RORA: variants seen among roughly 807,000 people sequenced by gnomAD.
The protein encoded by RORA is RAR related orphan receptor A, also known as nuclear receptor ROR-alpha.
In RORA, 7 loss-of-function variants were observed where a neutral mutation model predicts 69.5. The observed-to-expected ratio is 0.10, with a 90% CI of 0.06 to 0.19. RORA has a LOEUF of 0.19. RORA is among the 10% of genes least tolerant of loss of function. RORA has a pLI of 1.00. For missense variants in RORA, 457 were observed against 663.0 expected (o/e 0.69, Z 3.41); for synonymous variants, 261 against 240.8 (o/e 1.08, Z -0.78).
At position 60,908,876 on chromosome 15, in the gene RORA, C is replaced by A. The variant is rs141527467; in HGVS notation, c.167-230190G>T. Among the ~76,000 whole-genome samples the A allele has an allele frequency of 1.8e-3, 274 of 151,442 alleles. 1 individual carries two copies. The highest frequency in any genetic ancestry group is 0.016 in the South Asian group (76 of 4,798). ...CTTTTACTTTATTTTTATTTCATTT[C>A]ATTTTTTTTTTTTATTAAAGAGAGT... is the stretch of plus-strand genomic sequence containing the variant. On this transcript the variant is annotated intron_variant, in intron 1 of 10. Coordinates refer to ENST00000335670, the MANE Select transcript of RORA (RefSeq NM_134261.3).
intron 1 of RORA, among the ~76,000 whole-genome samples, chr15:60,954,224 T>C (rs1344456065): frequency 3.6e-4 from 49 of 136,886 alleles, no homozygotes; most frequent in South Asian, 2.8e-3. Flanking sequence ...TTCTCACTCA[T>C]AGGTGGGAAT....
At chr15:60,726,679 G>A (rs371256460) in intron 1 of RORA, among the ~76,000 whole-genome samples, 254 of 152,322 alleles carry the variant, frequency 1.7e-3, no homozygotes, top group Middle Eastern at 6.8e-3. Flanking sequence ...CTGCAGACGC[G>A]CCACTGTGTC....
At chr15:60,948,161 G>A (rs1313786879) in intron 1 of RORA, among the ~76,000 whole-genome samples, 4 of 152,034 alleles carry the variant, frequency 2.6e-5, no homozygotes, top group Non-Finnish European at 5.9e-5. Context: ...TTTGGGAAAG[G>A]GAGCATTTAA....
At chr15:60,824,246 A>G (rs1310214233) in intron 1 of RORA, among the ~76,000 whole-genome samples, 1 of 152,238 alleles carries the variant, frequency 6.6e-6, no homozygotes, top group East Asian at 1.9e-4. Flanking sequence ...TGATTCAACC[A>G]GGCTCTTGGA....
At chr15:61,014,841 A>AG (rs1312984585) in intron 1 of RORA, among the ~76,000 whole-genome samples, 20 of 152,222 alleles carry the variant, frequency 1.3e-4, no homozygotes, top group Admixed American at 3.9e-4. Flanking sequence ...AACAAGGAAT[A>AG]GGGAACCTGC....
intron 9 of RORA, 61 bp from the exon 10 acceptor site, chr15:60,500,065 C>T: frequency 2.9e-6 from 3 of 1,032,726 alleles, no homozygotes; most frequent in Non-Finnish European, 4.4e-6. Flanking sequence ...GATCCTTCTT[C>T]TCCGGATTCT....
At chr15:60,785,101 T>C (rs1325099900) in intron 1 of RORA, among the ~76,000 whole-genome samples, 1 of 152,242 alleles carries the variant, frequency 6.6e-6, no homozygotes, top group Non-Finnish European at 1.5e-5. Context: ...ACGATTATTG[T>C]GTTTGACAAG....
Position 60,951,663 on chromosome 15 carries a change from T to A in RORA, c.167-272977A>T, listed in dbSNP as rs553509579. On this transcript the variant is annotated intron_variant, in intron 1 of 10. Coordinates refer to ENST00000335670, the MANE Select transcript of RORA (RefSeq NM_134261.3). Reference sequence around the variant, plus strand: ...ACCATCAGAGAATACTACAAACACCTCTACGCAAATAAACTAGAAAATCTA... The same window carrying A: ...ACCATCAGAGAATACTACAAACACCACTACGCAAATAAACTAGAAAATCTA... Among the ~76,000 whole-genome samples the A allele has an allele frequency of 1.8e-3, 275 of 151,916 alleles. 2 individuals are homozygous for A. The highest frequency in any genetic ancestry group is 5.6e-3 in the African/African-American group (233 of 41,424).
chr15:61,007,761 T>A (rs1238635670), intron 1 of RORA, among the ~76,000 whole-genome samples: 1 of 147,894 alleles, frequency 6.8e-6, no homozygotes, highest in Non-Finnish European at 1.5e-5. Flanking sequence ...TGTTATATAT[T>A]ATATATAACA....
intron 2 of RORA, among the ~76,000 whole-genome samples, chr15:60,622,947 C>T (rs947450564): frequency 3.9e-5 from 6 of 152,134 alleles, no homozygotes; most frequent in African/African-American, 1.4e-4. Context: ...AACTCCTGAC[C>T]TCAGGTGATC....
chr15:60,742,524 G>T (rs558325273), intron 1 of RORA, among the ~76,000 whole-genome samples: 8 of 152,304 alleles, frequency 5.3e-5, no homozygotes, highest in African/African-American at 1.7e-4. Flanking sequence ...ATGGCAATTT[G>T]TAAGTATTTA....
chr15:60,979,186 C>G (rs4497622), intron 1 of RORA, among the ~76,000 whole-genome samples: 110,860 of 150,096 alleles, frequency 0.74, 41,201 homozygotes, highest in East Asian at 0.83. Context: ...GGATGGTCTT[C>G]ATCTCCTGAC....
intron 2 of RORA, among the ~76,000 whole-genome samples, chr15:60,660,241 G>A (rs974065): frequency 0.58 from 88,448 of 151,992 alleles, 27,052 homozygotes; most frequent in South Asian, 0.79. Context: ...CAGCTTCATC[G>A]CAATATTATT....
intron 1 of RORA, among the ~76,000 whole-genome samples, chr15:60,718,977 G>C (rs990835358): frequency 2.0e-5 from 3 of 152,072 alleles, no homozygotes; most frequent in Non-Finnish European, 4.4e-5. Context: ...AGAGGTCAGA[G>C]TTCAAGGACT....
intron 1 of RORA, among the ~76,000 whole-genome samples, chr15:60,919,657 T>C (rs886554400): frequency 6.6e-6 from 1 of 152,234 alleles, no homozygotes; most frequent in Admixed American, 6.5e-5. Flanking sequence ...CCTCCTGACC[T>C]GCAATGCCCC....
At chr15:60,801,121 C>T (rs559584474) in intron 1 of RORA, among the ~76,000 whole-genome samples, 3 of 152,298 alleles carry the variant, frequency 2.0e-5, no homozygotes, top group East Asian at 3.9e-4. Flanking sequence ...TACTGCCAAC[C>T]CTTAGGAACA....
chr15:60,614,881 T>C (rs1315748755), intron 2 of RORA: 1 of 1,608,018 alleles, frequency 6.2e-7, no homozygotes, highest in Non-Finnish European at 8.5e-7. Context: ...TAGTAAGCTC[T>C]CAAATAACGC....
chr15:60,656,070 T>G (rs2070217024), intron 2 of RORA, among the ~76,000 whole-genome samples: 1 of 152,122 alleles, frequency 6.6e-6, no homozygotes. Flanking sequence ...GAGATATAGG[T>G]TCAGAGAAAA....
intron 1 of RORA, among the ~76,000 whole-genome samples, chr15:61,189,037 A>T (rs1031813775): frequency 3.3e-5 from 5 of 152,180 alleles, no homozygotes; most frequent in African/African-American, 9.7e-5. Flanking sequence ...GAAAAAATAC[A>T]CAGCACTGGG....
Sources: gnomAD v4.1 joint callset for allele counts (sites outside exome capture counted in the v4.1 genomes callset) on GRCh38, gnomAD v4.1.1 for gene constraint, MANE v1.5 for transcripts, NCBI Gene and HGNC (gene_info 2026-07-23, HGNC 2026-07-21) for gene names.